The following FRMPD4 variants were observed in gnomAD, a reference collection of about 807,000 sequenced individuals.
FRMPD4 encodes FERM and PDZ domain containing 4, also known as FERM and PDZ domain-containing protein 4.
In FRMPD4, 22 loss-of-function variants were observed where a neutral mutation model predicts 94.1. That is an observed-to-expected ratio of 0.23 (90% CI 0.17 to 0.33). The LOEUF (loss-of-function observed/expected upper bound fraction) is 0.33, where lower values mean the gene tolerates loss of function less well. Ranked by LOEUF, FRMPD4 falls within the 10% of genes least tolerant of loss-of-function variation. FRMPD4 has a pLI of 1.00. For synonymous variants in FRMPD4, 631 were observed against 548.6 expected (o/e 1.15, Z -2.10); for missense variants, 1,111 against 1,339.9 (o/e 0.83, Z 2.67).
At chrX:12,435,962 T>G (rs1360601709) in intron 1 of FRMPD4, among the ~76,000 whole-genome samples, 2 of 111,786 alleles carry the variant, frequency 1.8e-5, no homozygotes, top group Admixed American at 9.5e-5. Flanking sequence ...TGTCTAGTTT[T>G]CTCTTAATTC....
intron 3 of FRMPD4, among the ~76,000 whole-genome samples, chrX:11,967,766 T>TG (rs1158858239): frequency 3.0e-5 from 3 of 99,776 alleles, no homozygotes; most frequent in Middle Eastern, 4.8e-3. Flanking sequence ...GTTTTTTTTT[T>TG]TTTTTTTTTT....
At chrX:12,089,982 T>C (rs752536387) in intron 3 of FRMPD4, among the ~76,000 whole-genome samples, 2 of 110,902 alleles carry the variant, frequency 1.8e-5, no homozygotes, top group Non-Finnish European at 3.8e-5. Context: ...GTCCTTTGAG[T>C]ACTACAGGAA....
At chrX:12,327,763 TTTCA>T (rs771150084) in intron 1 of FRMPD4, among the ~76,000 whole-genome samples, 31 of 109,370 alleles carry the variant, frequency 2.8e-4, no homozygotes, top group African/African-American at 1.0e-3. Flanking sequence ...TGATTTACAG[TTTCA>T]TTCAGATAGT....
intron 1 of FRMPD4, among the ~76,000 whole-genome samples, chrX:12,330,026 G>A: frequency 1.8e-5 from 2 of 111,266 alleles, no homozygotes; most frequent in Middle Eastern, 4.7e-3. Flanking sequence ...TGTAAAATGA[G>A]GATAATTATA....
chrX:12,157,749 A>G (rs906149350), intron 1 of FRMPD4, among the ~76,000 whole-genome samples: 4 of 112,393 alleles, frequency 3.6e-5, no homozygotes, highest in Admixed American at 2.8e-4. Context: ...GCTCTAAGTC[A>G]TATACATTAA....
At chrX:12,593,215 C>T (rs1362382996) in intron 2 of FRMPD4, among the ~76,000 whole-genome samples, 1 of 112,163 alleles carries the variant, frequency 8.9e-6, no homozygotes, top group Non-Finnish European at 1.9e-5. Context: ...TGTCTTTATT[C>T]TGACCCCTCA....
chrX:12,665,300 C>T (rs1244009776), intron 4 of FRMPD4, among the ~76,000 whole-genome samples: 3 of 111,124 alleles, frequency 2.7e-5, no homozygotes, highest in Admixed American at 1.9e-4. Context: ...AAAAATTAGC[C>T]GGGCATGGTG....
chrX:11,849,264 A>G (rs1176061275), intron 1 of FRMPD4, among the ~76,000 whole-genome samples: 3 of 111,906 alleles, frequency 2.7e-5, no homozygotes, highest in Non-Finnish European at 3.8e-5. Flanking sequence ...TATACACTGA[A>G]AACTACAAAA....
intron 3 of FRMPD4, among the ~76,000 whole-genome samples, chrX:11,913,283 A>G (rs1056692764): frequency 4.5e-5 from 5 of 112,297 alleles, no homozygotes; most frequent in African/African-American, 1.6e-4. Flanking sequence ...GCTGAGGACA[A>G]TACTTGGAGG....
chrX:11,927,375 T>C (rs1366064785), intron 3 of FRMPD4, among the ~76,000 whole-genome samples: 1 of 112,060 alleles, frequency 8.9e-6, no homozygotes, highest in African/African-American at 3.2e-5. Flanking sequence ...ATTGAGAATC[T>C]TCACAGAACT....
intron 2 of FRMPD4, among the ~76,000 whole-genome samples, chrX:12,572,535 T>C (rs1479565740): frequency 1.8e-5 from 2 of 112,198 alleles, no homozygotes; most frequent in African/African-American, 6.5e-5. Context: ...CATGGCTCTA[T>C]TGACATTTGA....
chrX:12,416,766 A>C, intron 1 of FRMPD4, among the ~76,000 whole-genome samples: 1 of 111,873 alleles, frequency 8.9e-6, no homozygotes, highest in Non-Finnish European at 1.9e-5. Context: ...GGTATCTAGC[A>C]TGTTAAAAAT....
At chrX:12,535,339 T>C (rs1333750796) in intron 2 of FRMPD4, among the ~76,000 whole-genome samples, 1 of 111,472 alleles carries the variant, frequency 9.0e-6, no homozygotes, top group South Asian at 3.8e-4. Context: ...AGCGTGAAAA[T>C]GGACTAATAT....
chrX:11,969,440 C>T (rs1055734340), intron 3 of FRMPD4, among the ~76,000 whole-genome samples: 2 of 111,777 alleles, frequency 1.8e-5, no homozygotes, highest in African/African-American at 6.5e-5. Flanking sequence ...TGGGCTTAGG[C>T]CTTGAATCTG....
intron 1 of FRMPD4, among the ~76,000 whole-genome samples, chrX:12,281,073 G>A (rs1054411901): frequency 8.9e-6 from 1 of 112,267 alleles, no homozygotes; most frequent in Non-Finnish European, 1.9e-5. Context: ...TGTGGGAAAA[G>A]TAAACAAAAC....
At chrX:12,653,808 C>G (rs1422316871) in intron 4 of FRMPD4, among the ~76,000 whole-genome samples, 1 of 111,962 alleles carries the variant, frequency 8.9e-6, no homozygotes, top group Non-Finnish European at 1.9e-5. Context: ...GCTCTTGTTG[C>G]CCAGGCTGGG....
chrX:12,439,516 A>G (rs773149933), intron 1 of FRMPD4, among the ~76,000 whole-genome samples: 6 of 111,300 alleles, frequency 5.4e-5, no homozygotes, highest in African/African-American at 1.6e-4. Flanking sequence ...ACTCTTTACT[A>G]TTTCCCATGG....
At chrX:12,428,073 CTAA>C (rs914185630) in intron 1 of FRMPD4, among the ~76,000 whole-genome samples, 12 of 109,118 alleles carry the variant, frequency 1.1e-4, no homozygotes, top group African/African-American at 4.0e-4. Flanking sequence ...CCATGCCCAG[CTAA>C]TTTTTTTTGC....
intron 2 of FRMPD4, among the ~76,000 whole-genome samples, chrX:11,874,618 GAACTAGT>G (rs753147268): frequency 8.9e-6 from 1 of 112,064 alleles, no homozygotes; most frequent in African/African-American, 3.2e-5. Context: ...GGAGGTCCTA[GAACTAGT>G]CTCCCACATG....
Sources: gnomAD v4.1 joint callset for allele counts (sites outside exome capture counted in the v4.1 genomes callset) on GRCh38, gnomAD v4.1.1 for gene constraint, MANE v1.5 for transcripts, NCBI Gene and HGNC (gene_info 2026-07-23, HGNC 2026-07-21) for gene names.